PMS1: variants seen among roughly 807,000 people sequenced by gnomAD.
PMS1 encodes the protein PMS1 protein homolog 1.
Under a neutral mutation model 93.1 loss-of-function variants are expected in PMS1, and 79 were observed. The observed-to-expected ratio is 0.85, with a 90% CI of 0.71 to 1.02. The LOEUF (loss-of-function observed/expected upper bound fraction) is 1.02. Among genes scored for constraint, PMS1 ranks in the 50% least tolerant of loss-of-function variants. The pLI is 0.00. For synonymous variants in PMS1, 335 were observed against 363.4 expected, an observed-to-expected ratio of 0.92 and a Z score of 0.89; for missense variants, 1,064 against 1,085.3, an observed-to-expected ratio of 0.98 and a Z score of 0.28.
intron 6 of PMS1, 121 bp from the exon 7 acceptor site, chr2:189,852,534 C>A: frequency 1.2e-6 from 1 of 834,656 alleles, no homozygotes. Flanking sequence ...AAGTATATGG[C>A]TTTTTAGACC....
At chr2:189,830,621 C>T (rs773545138) in intron 5 of PMS1, among the ~76,000 whole-genome samples, 1 of 152,180 alleles carries the variant, frequency 6.6e-6, no homozygotes, top group African/African-American at 2.4e-5. Flanking sequence ...AGGACTTTGG[C>T]TCTTTTTTCA....
chr2:189,870,103 C>T (rs1301522395), intron 11 of PMS1, among the ~76,000 whole-genome samples: 1 of 151,988 alleles, frequency 6.6e-6, no homozygotes, highest in Non-Finnish European at 1.5e-5. Flanking sequence ...GCATTATTTC[C>T]CTTGTCAATA....
intron 9 of PMS1, chr2:189,855,900 C>A: frequency 9.5e-7 from 1 of 1,057,204 alleles, no homozygotes; most frequent in Non-Finnish European, 1.2e-6. Flanking sequence ...TGAAATTATA[C>A]CTCCAATCAT....
intron 5 of PMS1, among the ~76,000 whole-genome samples, chr2:189,825,600 G>C (rs2052363456): frequency 6.6e-6 from 1 of 152,156 alleles, no homozygotes; most frequent in African/African-American, 2.4e-5. Context: ...TTGCTGATTT[G>C]TGTGTGTACT....
At chr2:189,832,121 G>A (rs2053001729) in intron 5 of PMS1, among the ~76,000 whole-genome samples, 1 of 152,172 alleles carries the variant, frequency 6.6e-6, no homozygotes, top group Non-Finnish European at 1.5e-5. Flanking sequence ...AAATAACATT[G>A]GTTAGGTACC....
chr2:189,818,441 G>A (rs1265000729), intron 5 of PMS1, among the ~76,000 whole-genome samples: 1 of 152,036 alleles, frequency 6.6e-6, no homozygotes, highest in East Asian at 1.9e-4. Context: ...ATAGTCAGAG[G>A]CACCACCTAT....
intron 5 of PMS1, among the ~76,000 whole-genome samples, chr2:189,825,839 T>C (rs1204749433): frequency 6.6e-6 from 1 of 151,554 alleles, no homozygotes; most frequent in Non-Finnish European, 1.5e-5. Context: ...TTCAGTGTTG[T>C]CTTTGTTTTT....
rs746684224 is a variant in PMS1, at chr2:189,854,240, A to G, written c.968A>G (p.Glu323Gly). 1 of 1,581,454 alleles carries G rather than the reference A, an allele frequency of 6.3e-7. No individual in the cohort carries two copies. Among genetic ancestry groups the G allele is most frequent in the East Asian group, 2.3e-5 (1 of 44,304 alleles). Residue 323 changes from glutamate to glycine, a missense_variant and splice_region_variant, in exon 9 of 13, where the codon GAA (glutamate) becomes GGA (glycine). Glu to Gly is a moderately conservative substitution (Grantham distance 98). Transcript: ENST00000441310. Reference protein sequence around the residue: ...DKSQVLLQNKESVLIALENLM... With the variant: ...DKSQVLLQNKGSVLIALENLM... ...ACATTTGTTAATTTGTATTTTTAGG[A>G]ATCTGTTTTAATTGCTCTTGAAAAT...
chr2:189,818,952 A>G (rs2051572419), intron 5 of PMS1, among the ~76,000 whole-genome samples: 1 of 152,158 alleles, frequency 6.6e-6, no homozygotes. Flanking sequence ...TGTTACATGG[A>G]TATGTTGTGT....
chr2:189,843,342 A>G (rs2053976534), intron 5 of PMS1, among the ~76,000 whole-genome samples: 1 of 152,070 alleles, frequency 6.6e-6, no homozygotes, highest in Non-Finnish European at 1.5e-5. Flanking sequence ...CATCTCCAAC[A>G]TACTCGCAGT....
At chr2:189,813,197 T>C (rs983499857) in intron 4 of PMS1, among the ~76,000 whole-genome samples, 1 of 152,176 alleles carries the variant, frequency 6.6e-6, no homozygotes, top group African/African-American at 2.4e-5. Flanking sequence ...GAGGGAAGAA[T>C]CAATTCTTTC....
intron 1 of PMS1, among the ~76,000 whole-genome samples, chr2:189,786,800 C>T (rs2048386232): frequency 1.3e-5 from 2 of 152,130 alleles, no homozygotes; most frequent in South Asian, 2.1e-4. Context: ...GCCTGTAATC[C>T]CAGCACTTTG....
At chr2:189,836,843 C>T (rs1332628896) in intron 5 of PMS1, among the ~76,000 whole-genome samples, 12 of 152,154 alleles carry the variant, frequency 7.9e-5, no homozygotes, top group Non-Finnish European at 2.9e-5. Context: ...TGTTTCACAG[C>T]TTTTTCTAGG....
At position 189,789,075 on chromosome 2, in the gene PMS1, C is replaced by G. The variant is rs1441717107; in HGVS notation, c.-20-2715C>G. Among the ~76,000 whole-genome samples, 4 of 152,236 alleles carry G rather than the reference C, an allele frequency of 2.6e-5. No individual in the cohort carries two copies. In the East Asian group the frequency reaches 7.7e-4, roughly 29 times the overall value. On this transcript the variant is annotated intron_variant, in intron 1 of 12. Transcript: ENST00000441310. The stretch of plus-strand genomic sequence containing the variant: ...TGAAAGGTAGTTGTTCACAGCTGCT[C>G]TCCTGAGAACTGGGTACCCCAAAAC...
intron 9 of PMS1, among the ~76,000 whole-genome samples, chr2:189,856,423 A>G (rs1243157109): frequency 6.6e-6 from 1 of 152,102 alleles, no homozygotes; most frequent in Non-Finnish European, 1.5e-5. Context: ...CATAATTGTC[A>G]TAACTTTTTT....
intron 5 of PMS1, among the ~76,000 whole-genome samples, chr2:189,819,787 T>G (rs768288519): frequency 6.6e-6 from 1 of 152,214 alleles, no homozygotes; most frequent in Non-Finnish European, 1.5e-5. Flanking sequence ...ATGCAGAGTT[T>G]GCAAATATTT....
At chr2:189,789,587 T>G (rs553879579) in intron 1 of PMS1, among the ~76,000 whole-genome samples, 1 of 152,304 alleles carries the variant, frequency 6.6e-6, no homozygotes. Context: ...TGTGTAATTG[T>G]TATAGTGCCT....
chr2:189,841,041 G>C (rs917625167), intron 5 of PMS1, among the ~76,000 whole-genome samples: 1 of 152,104 alleles, frequency 6.6e-6, no homozygotes, highest in African/African-American at 2.4e-5. Context: ...TCTGGAGTTG[G>C]TTCTAAATTG....
In PMS1 at chr2:189,796,739, A is replaced by G. The variant is rs142226947; in HGVS notation, c.315+788A>G. On this transcript the variant is annotated intron_variant, in intron 3 of 12. Coordinates refer to ENST00000441310, the MANE Select transcript of PMS1 (RefSeq NM_000534.5). ...GGCTGAATAATATTCCATCATGTGT[A>G]TATACCACATTTTGTTTATCTGTTC... 2.1e-3 allele frequency among the ~76,000 whole-genome samples: 323 copies of G among 152,308 alleles called. 1 individual carries two copies. The highest frequency in any genetic ancestry group is 6.6e-3 in the African/African-American group (273 of 41,562).
Sources: allele counts gnomAD v4.1 joint callset (sites outside exome capture counted in the v4.1 genomes callset), GRCh38; gene constraint gnomAD v4.1.1; transcripts MANE v1.5; gene names NCBI Gene and HGNC (gene_info 2026-07-23, HGNC 2026-07-21).